The following ZNF44 variants were observed in gnomAD, a reference collection of about 807,000 sequenced individuals.
ZNF44 encodes the protein gonadotropin inducible transcription repressor-2.
ZNF44 carries 9 observed loss-of-function variants against 11.7 expected under a neutral mutation model. The observed-to-expected ratio is 0.77, with a 90% CI of 0.46 to 1.35. The LOEUF (loss-of-function observed/expected upper bound fraction) is 1.35, where lower values mean the gene tolerates loss of function less well. ZNF44 is among the 40% of genes most tolerant of loss of function. The pLI, the probability that ZNF44 is intolerant of heterozygous loss-of-function variation, is 0.00. For missense variants in ZNF44, 696 were observed against 743.1 expected, an observed-to-expected ratio of 0.94 and a Z score of 0.74; for synonymous variants, 224 against 242.7, an observed-to-expected ratio of 0.92 and a Z score of 0.72.
upstream of ZNF44, among the ~76,000 whole-genome samples, chr19:12,238,811 C>G (rs1417446076): frequency 6.6e-6 from 1 of 151,964 alleles, no homozygotes; most frequent in African/African-American, 2.4e-5. Context: ...ATGGGAAGAA[C>G]AGCAAACATT....
chr19:12,244,283 C>T (rs1916709414), downstream of ZNF44, among the ~76,000 whole-genome samples: 1 of 152,220 alleles, frequency 6.6e-6, no homozygotes, highest in South Asian at 2.1e-4. Context: ...GAATTATAGG[C>T]ATAAGCCACG....
At chr19:12,238,531 G>A (rs923518131), upstream of ZNF44, among the ~76,000 whole-genome samples, 2 of 151,522 alleles carry the variant, frequency 1.3e-5, no homozygotes, top group African/African-American at 4.9e-5. Context: ...GGGAGGTTGA[G>A]GCAGTAGAAT....
At chr19:12,288,885 T>G (rs1967884777) in intron 1 of ZNF44, among the ~76,000 whole-genome samples, 5 of 148,976 alleles carry the variant, frequency 3.4e-5, no homozygotes, top group Admixed American at 3.4e-4. Flanking sequence ...CATCCTTCAC[T>G]GACATCAATT....
At chr19:12,266,220 C>T in intron 5 of ZNF44, 1 of 982,758 alleles carries the variant, frequency 1.0e-6, no homozygotes. Context: ...CCGCCACAGC[C>T]GGTCCCAGCC....
intron 2 of ZNF44, among the ~76,000 whole-genome samples, chr19:12,232,437 C>T (rs1916203037): frequency 6.6e-6 from 1 of 152,188 alleles, no homozygotes; most frequent in Non-Finnish European, 1.5e-5. Flanking sequence ...CAGACTATCA[C>T]ATGGGGAGAA....
intron 3 of ZNF44, among the ~76,000 whole-genome samples, chr19:12,226,990 T>C (rs1381572104): frequency 6.6e-6 from 1 of 152,022 alleles, no homozygotes; most frequent in Non-Finnish European, 1.5e-5. Context: ...CGCTTGAATG[T>C]AGGAGGAGGC....
exon 7 of ZNF44, chr19:12,250,008 T>C (rs1164276395): frequency 1.6e-6 from 2 of 1,286,344 alleles, no homozygotes; most frequent in South Asian, 1.3e-5. Context: ...TTTGTACTGC[T>C]CTTCAATGTT....
chr19:12,242,246 G>A (rs978605100), upstream of ZNF44, among the ~76,000 whole-genome samples: 8 of 151,826 alleles, frequency 5.3e-5, no homozygotes, highest in African/African-American at 1.5e-4. Context: ...GGTGGCTCAC[G>A]CCTGTAATCC....
At chr19:12,239,568 ATTTTTTTTTTT>A (rs1158604076), upstream of ZNF44, among the ~76,000 whole-genome samples, 6 of 76,072 alleles carry the variant, frequency 7.9e-5, no homozygotes, top group African/African-American at 2.1e-4. Context: ...CCCAAGTTGC[ATTTTTTTTTTT>A]TTTTTTTTTT....
In ZNF44 at chr19:12,258,659, G is replaced by C. The variant is rs957403710; in HGVS notation, c.1913-8291C>G. Among the ~76,000 whole-genome samples, 42 of 151,978 alleles carry C rather than the reference G, an allele frequency of 2.8e-4. 1 individual carries two copies. Among genetic ancestry groups the C allele is most frequent in the Admixed American group, 6.6e-5 (1 of 15,248 alleles). On this transcript the variant is annotated intron_variant and NMD_transcript_variant, in intron 5 of 7. Transcript: ENST00000393337. The stretch of plus-strand genomic sequence containing the variant: ...AGCCTAGCCAACATGGCAAAACCTC[G>C]TCTCTACGAAAAACACAAGAATTAG...
intron 5 of ZNF44, chr19:12,260,129 T>A (rs2058792716): frequency 1.4e-6 from 1 of 719,296 alleles, no homozygotes; most frequent in Non-Finnish European, 2.6e-6. Context: ...CGCCACCATG[T>A]CCGCGCATCT....
At chr19:12,275,097 T>C in intron 2 of ZNF44, 64 bp from the exon 3 acceptor site, 1 of 1,233,826 alleles carries the variant, frequency 8.1e-7, no homozygotes, top group Non-Finnish European at 1.1e-6. Context: ...ATTGTTAAGA[T>C]TTTATGTACA....
chr19:12,238,618 CT>C (rs1916488155), upstream of ZNF44, among the ~76,000 whole-genome samples: 1 of 115,296 alleles, frequency 8.7e-6, no homozygotes, highest in Non-Finnish European at 1.7e-5. Context: ...CAGAGAGAGA[CT>C]GTCTCAAAAA....
At chr19:12,255,044 G>A (rs1046072752) in intron 5 of ZNF44, among the ~76,000 whole-genome samples, 1 of 151,906 alleles carries the variant, frequency 6.6e-6, no homozygotes, top group African/African-American at 2.4e-5. Flanking sequence ...AACCAAGATC[G>A]TGCCACTGCA....
At chr19:12,285,879 C>T (rs190494160) in intron 1 of ZNF44, among the ~76,000 whole-genome samples, 14 of 151,972 alleles carry the variant, frequency 9.2e-5, no homozygotes, top group South Asian at 4.2e-4. Flanking sequence ...ATTAGCCAGG[C>T]GTGGTGGCGG....
rs146462194 is a variant in ZNF44 at position 12,285,078 on chromosome 19, A to C, written c.4-8996T>G. ...CCTAACCCCTGACCTCTGGAAGGAG[A>C]CTGTATTCACCAAGTCTCCCTATCA... is the stretch of plus-strand genomic sequence containing the variant. On this transcript the variant is annotated intron_variant, in intron 1 of 3. Transcript: ENST00000355684. 3,046 of 664,424 alleles carry C rather than the reference A, an allele frequency of 4.6e-3. 71 individuals are homozygous for C. In the East Asian group the frequency reaches 0.051, roughly 11 times the overall value. 41.2% of individuals were successfully genotyped at this position (664,424 alleles called of 1,614,324 possible).
chr19:12,234,730 C>A (rs1916311705), exon 2 of ZNF44: 2 of 152,276 alleles, frequency 1.3e-5, no homozygotes, highest in Non-Finnish European at 1.5e-5. Context: ...ACGGAAAAAT[C>A]CAGCAAAGCC....
chr19:12,273,439 T>C lies in ZNF44; in HGVS notation c.816A>G (p.Glu272=). The C allele has an allele frequency of 6.2e-7, 1 of 1,614,142 alleles. No homozygotes were observed. The highest frequency in any genetic ancestry group is 8.5e-7 in the Non-Finnish European group (1 of 1,180,024). Residue 272 remains glutamate, a synonymous_variant, in exon 4 of 4, where the codon GAA becomes GAG. Transcript: ENST00000355684. ...FPDYSSYLRH[E]RTHTGEKPYK... is the part of the protein sequence containing the mutation. ...AGGGTTTCTCTCCAGTGTGAGTTCTTTCATGTCTTAGATATGAACTGTAAT... is the reference window on the plus strand; with the variant it reads ...AGGGTTTCTCTCCAGTGTGAGTTCTCTCATGTCTTAGATATGAACTGTAAT...
At chr19:12,293,498 G>A (rs1266395586) in intron 1 of ZNF44, 4 of 872,676 alleles carry the variant, frequency 4.6e-6, no homozygotes, top group African/African-American at 3.3e-5. Context: ...GCAGTGTCAG[G>A]TGGTTATTCT....
Sources: gnomAD v4.1 joint callset for allele counts (sites outside exome capture counted in the v4.1 genomes callset) on GRCh38, gnomAD v4.1.1 for gene constraint, MANE v1.5 for transcripts, NCBI Gene and HGNC (gene_info 2026-07-23, HGNC 2026-07-21) for gene names.